Variants in EBF1 observed in about 807,000 individuals in gnomAD.
EBF1 encodes EBF transcription factor 1, also known as transcription factor COE1.
In EBF1, 10 loss-of-function variants were observed where a neutral mutation model predicts 68.4. The ratio of observed to expected loss-of-function variants is 0.15; its 90% CI spans 0.09 to 0.25. The LOEUF (loss-of-function observed/expected upper bound fraction) is 0.25. Ranked by LOEUF, EBF1 falls within the 10% of genes least tolerant of loss-of-function variation. The probability of loss-of-function intolerance (pLI) is 1.00; values close to 1 mark genes in which losing one functional copy is unlikely to be tolerated. For missense variants in EBF1, 509 were observed against 794.4 expected (o/e 0.64, Z 4.32); for synonymous variants, 298 against 299.8 (o/e 0.99, Z 0.06).
intron 5 of EBF1, among the ~76,000 whole-genome samples, chr5:159,083,183 A>G (rs1403856616): frequency 6.6e-6 from 1 of 152,198 alleles, no homozygotes; most frequent in Non-Finnish European, 1.5e-5. Flanking sequence ...AATTCATTCT[A>G]ATGACATGCT....
intron 6 of EBF1, among the ~76,000 whole-genome samples, chr5:159,028,306 G>A (rs775070153): frequency 6.6e-6 from 1 of 152,160 alleles, no homozygotes; most frequent in Non-Finnish European, 1.5e-5. Flanking sequence ...TGGTGACAAG[G>A]AAGAGAGAGT....
At chr5:159,094,456 T>C (rs932223058) in intron 4 of EBF1, among the ~76,000 whole-genome samples, 6 of 152,178 alleles carry the variant, frequency 3.9e-5, no homozygotes, top group Non-Finnish European at 8.8e-5. Flanking sequence ...CAAAAATAGC[T>C]GTTAATAAAT....
chr5:158,801,585 C>A (rs1780588026), intron 8 of EBF1, among the ~76,000 whole-genome samples: 1 of 151,486 alleles, frequency 6.6e-6, no homozygotes, highest in South Asian at 2.1e-4. Context: ...AATACTACAC[C>A]GTGAGTCAGG....
intron 4 of EBF1, among the ~76,000 whole-genome samples, chr5:159,089,793 A>G (rs771264195): frequency 6.6e-6 from 1 of 151,890 alleles, no homozygotes; most frequent in Non-Finnish European, 1.5e-5. Flanking sequence ...AAGAAAAAAG[A>G]AAAGAAGAAA....
chr5:158,741,154 C>T (rs942729093), intron 10 of EBF1, among the ~76,000 whole-genome samples: 3 of 152,212 alleles, frequency 2.0e-5, no homozygotes, highest in African/African-American at 7.2e-5. Flanking sequence ...ACTTTGCACA[C>T]CTCAGAATCA....
chr5:158,832,082 C>T (rs1415669034), intron 7 of EBF1, among the ~76,000 whole-genome samples: 1 of 152,186 alleles, frequency 6.6e-6, no homozygotes, highest in African/African-American at 2.4e-5. Flanking sequence ...ATAAGGATAC[C>T]TTTTGCTGGT....
intron 6 of EBF1, among the ~76,000 whole-genome samples, chr5:159,041,539 G>T (rs1561864155): frequency 6.6e-6 from 1 of 152,106 alleles, no homozygotes; most frequent in Non-Finnish European, 1.5e-5. Context: ...GTCACTTCTA[G>T]AAAGGGATCC....
intron 6 of EBF1, among the ~76,000 whole-genome samples, chr5:158,885,076 C>A (rs1273346647): frequency 1.3e-5 from 2 of 152,198 alleles, no homozygotes; most frequent in Non-Finnish European, 2.9e-5. Context: ...CCTGCAACTG[C>A]AGGGAGCTCA....
At chr5:158,819,984 G>A (rs1350165441) in intron 8 of EBF1, among the ~76,000 whole-genome samples, 1 of 152,060 alleles carries the variant, frequency 6.6e-6, no homozygotes, top group African/African-American at 2.4e-5. Flanking sequence ...CAGAGCACAG[G>A]GGTTTGCGAG....
intron 6 of EBF1, among the ~76,000 whole-genome samples, chr5:158,878,224 A>T (rs1027012794): frequency 2.0e-5 from 3 of 152,142 alleles, no homozygotes; most frequent in African/African-American, 7.2e-5. Flanking sequence ...ACAGATCTGT[A>T]TATATAACTA....
At chr5:158,760,574 G>A (rs1024706715) in intron 10 of EBF1, among the ~76,000 whole-genome samples, 3 of 152,022 alleles carry the variant, frequency 2.0e-5, no homozygotes, top group Non-Finnish European at 2.9e-5. Flanking sequence ...ATTATTGCAG[G>A]TCCCACTCTC....
intron 6 of EBF1, among the ~76,000 whole-genome samples, chr5:159,008,618 T>C (rs1006284533): frequency 6.8e-6 from 1 of 147,472 alleles, no homozygotes; most frequent in Non-Finnish European, 1.5e-5. Context: ...CTCAGCCTCC[T>C]GGGCTTCAAC....
intron 6 of EBF1, among the ~76,000 whole-genome samples, chr5:159,045,873 A>T (rs777914329): frequency 1.3e-5 from 2 of 152,280 alleles, no homozygotes. Context: ...TCTTCCCACC[A>T]CAAAAAGGAC....
At chr5:158,961,612 AG>A (rs1818200810) in intron 6 of EBF1, among the ~76,000 whole-genome samples, 1 of 152,226 alleles carries the variant, frequency 6.6e-6, no homozygotes. Context: ...GATGTTAAAA[AG>A]ATGATTTTTC....
At chr5:159,037,574 C>G (rs1423145370) in intron 6 of EBF1, among the ~76,000 whole-genome samples, 8 of 129,896 alleles carry the variant, frequency 6.2e-5, no homozygotes, top group Non-Finnish European at 1.3e-4. Context: ...CCAAACACCG[C>G]ATATTCTCAC....
intron 6 of EBF1, among the ~76,000 whole-genome samples, chr5:159,064,524 C>A (rs142176649): frequency 6.6e-6 from 1 of 152,214 alleles, no homozygotes; most frequent in East Asian, 1.9e-4. Flanking sequence ...TGGTATACCC[C>A]GACGTGCTCT....
intron 6 of EBF1, among the ~76,000 whole-genome samples, chr5:159,023,686 T>C (rs1001744299): frequency 2.6e-5 from 4 of 152,228 alleles, no homozygotes; most frequent in Admixed American, 2.6e-4. Context: ...AAAACAAAAT[T>C]CTAGCAGCTA....
chr5:158,946,298 G>GT (rs1439492934), intron 6 of EBF1, among the ~76,000 whole-genome samples: 4 of 152,224 alleles, frequency 2.6e-5, no homozygotes, highest in Admixed American at 1.3e-4. Context: ...TTTTTCACTG[G>GT]TTTTTCCTCA....
chr5:158,713,199 T>G, intron 12 of EBF1, 52 bp from the exon 13 acceptor site: 1 of 1,319,930 alleles, frequency 7.6e-7, no homozygotes, highest in Non-Finnish European at 9.8e-7. Context: ...ATATTCCCAA[T>G]AATACCATTT....
Sources: allele counts gnomAD v4.1 joint callset (sites outside exome capture counted in the v4.1 genomes callset), GRCh38; gene constraint gnomAD v4.1.1; transcripts MANE v1.5; gene names NCBI Gene and HGNC (gene_info 2026-07-23, HGNC 2026-07-21).